SPANXN4: variants seen among roughly 807,000 people sequenced by gnomAD.
SPANXN4 encodes the protein sperm protein associated with the nucleus on the X chromosome N4.
Under a neutral mutation model 6.0 loss-of-function variants are expected in SPANXN4, and 5 were observed. That is an observed-to-expected ratio of 0.83 (90% CI 0.44 to 1.75). The LOEUF (loss-of-function observed/expected upper bound fraction) is 1.75. Ranked by LOEUF, SPANXN4 falls within the 40% of genes most tolerant of loss-of-function variation. The probability of loss-of-function intolerance (pLI) is 0.02; values close to 1 mark genes in which losing one functional copy is unlikely to be tolerated. For missense variants in SPANXN4, 157 were observed against 108.6 expected (o/e 1.45, Z -1.98); for synonymous variants, 45 against 38.0 (o/e 1.19, Z -0.68).
chrX:143,031,723 A>G (rs1489885653), intron 1 of SPANXN4, among the ~76,000 whole-genome samples: 1 of 111,364 alleles, frequency 9.0e-6, no homozygotes, highest in East Asian at 2.8e-4. Flanking sequence ...CTTCTTCTCT[A>G]TTATTAAAGA....
intron 1 of SPANXN4, among the ~76,000 whole-genome samples, chrX:143,029,956 T>C (rs373544367): frequency 9.0e-6 from 1 of 111,295 alleles, no homozygotes; most frequent in African/African-American, 3.3e-5. Flanking sequence ...GGCAGAGTAG[T>C]CCAAGAGCAA....
At chrX:143,028,446 T>C (rs897636099) in intron 1 of SPANXN4, among the ~76,000 whole-genome samples, 2 of 110,785 alleles carry the variant, frequency 1.8e-5, no homozygotes, top group African/African-American at 3.3e-5. Flanking sequence ...AGTTTTTGTT[T>C]GTTTGTTTGT....
At chrX:143,034,612 A>C (rs1932834016) in exon 3 of SPANXN4, 5 of 1,163,804 alleles carry the variant, frequency 4.3e-6, no homozygotes, top group Non-Finnish European at 4.6e-6. Context: ...CTCTTTCCAA[A>C]ATGAAGACAT....
intron 1 of SPANXN4, among the ~76,000 whole-genome samples, chrX:143,028,323 G>A (rs1348337164): frequency 2.7e-5 from 3 of 110,832 alleles, no homozygotes; most frequent in Non-Finnish European, 5.7e-5. Flanking sequence ...TTTGAGGATG[G>A]ACTTTTGGGC....
At chrX:143,027,293 G>A (rs1289144895) in intron 1 of SPANXN4, among the ~76,000 whole-genome samples, 1 of 112,071 alleles carries the variant, frequency 8.9e-6, no homozygotes, top group African/African-American at 3.2e-5. Context: ...TTTGGAGAGA[G>A]AGAGATAAAT....
chrX:143,031,575 C>G (rs556734119), intron 1 of SPANXN4, among the ~76,000 whole-genome samples: 7 of 111,937 alleles, frequency 6.3e-5, no homozygotes, highest in African/African-American at 2.3e-4. Flanking sequence ...TGCCCAATGT[C>G]CCTGTTGGTT....
At chrX:143,026,708 G>T (rs1015847024) in intron 1 of SPANXN4, among the ~76,000 whole-genome samples, 27 of 111,349 alleles carry the variant, frequency 2.4e-4, no homozygotes, top group African/African-American at 8.8e-4. Flanking sequence ...ACCGGACTTG[G>T]CAGCGGAGAA....
chrX:143,038,125 C>A (rs747438715), downstream of SPANXN4, among the ~76,000 whole-genome samples: 59 of 111,794 alleles, frequency 5.3e-4, no homozygotes, highest in African/African-American at 1.9e-3. Flanking sequence ...CAGGTCTTTA[C>A]GTGATATCTG....
At chrX:143,028,748 T>C (rs949103163) in intron 1 of SPANXN4, among the ~76,000 whole-genome samples, 14 of 111,246 alleles carry the variant, frequency 1.3e-4, no homozygotes, top group African/African-American at 3.6e-4. Context: ...AGCTGATTTG[T>C]TAGTCCTGCC....
chrX:143,034,832 C>T, downstream of SPANXN4: 1 of 893,677 alleles, frequency 1.1e-6, no homozygotes, highest in Non-Finnish European at 1.4e-6. Flanking sequence ...GAGCAGTCAC[C>T]TACCAAGTGT....
At chrX:143,035,461 A>G (rs889725544), downstream of SPANXN4, among the ~76,000 whole-genome samples, 1 of 110,568 alleles carries the variant, frequency 9.0e-6, no homozygotes, top group Non-Finnish European at 1.9e-5. Flanking sequence ...TGTCAGATAT[A>G]TTTTTATATT....
At chrX:143,037,255 G>A (rs775936153), downstream of SPANXN4, among the ~76,000 whole-genome samples, 1 of 110,934 alleles carries the variant, frequency 9.0e-6, no homozygotes. Context: ...CAGAATCCAA[G>A]ATTTGAACCC....
chrX:143,027,329 C>A (rs111862917), intron 1 of SPANXN4, among the ~76,000 whole-genome samples: 4 of 111,322 alleles, frequency 3.6e-5, no homozygotes, highest in Non-Finnish European at 7.5e-5. Context: ...ATAGTCATTG[C>A]GGTCCTGATA....
At chrX:143,037,957 C>T (rs1335336177), downstream of SPANXN4, among the ~76,000 whole-genome samples, 1 of 111,324 alleles carries the variant, frequency 9.0e-6, no homozygotes, top group East Asian at 2.8e-4. Context: ...TAATAAATTA[C>T]CCAGTCTCAA....
At chrX:143,029,669 T>C (rs761330540) in intron 1 of SPANXN4, among the ~76,000 whole-genome samples, 2 of 111,423 alleles carry the variant, frequency 1.8e-5, no homozygotes, top group South Asian at 7.7e-4. Flanking sequence ...GAGAGTTTTA[T>C]ATCTCTGGAA....
At chrX:143,035,548 C>G (rs189228348), downstream of SPANXN4, among the ~76,000 whole-genome samples, 1 of 109,821 alleles carries the variant, frequency 9.1e-6, no homozygotes, top group Non-Finnish European at 1.9e-5. Flanking sequence ...TAATTTATAC[C>G]TTAGGATTAC....
intron 1 of SPANXN4, 135 bp downstream of exon 1, chrX:143,026,227 G>A (rs768146392): frequency 9.2e-5 from 48 of 520,100 alleles, no homozygotes; most frequent in Non-Finnish European, 9.4e-5. Flanking sequence ...AGAGCCCACC[G>A]CTACATACAG....
At chrX:143,030,589 T>C (rs1348820833) in intron 1 of SPANXN4, among the ~76,000 whole-genome samples, 1 of 33,507 alleles carries the variant, frequency 3.0e-5, no homozygotes, top group South Asian at 2.3e-3. Context: ...TTTGACTACA[T>C]GAAAGCAAAA....
At chrX:143,033,285 G>A (rs928323599) in intron 1 of SPANXN4, among the ~76,000 whole-genome samples, 2 of 111,310 alleles carry the variant, frequency 1.8e-5, no homozygotes, top group African/African-American at 6.5e-5. Flanking sequence ...GTCCACTCAG[G>A]ATATGGAAGC....
Sources: gnomAD v4.1 joint callset for allele counts (sites outside exome capture counted in the v4.1 genomes callset) on GRCh38, gnomAD v4.1.1 for gene constraint, MANE v1.5 for transcripts, NCBI Gene and HGNC (gene_info 2026-07-23, HGNC 2026-07-21) for gene names.